MROH2B: variants seen among roughly 807,000 people sequenced by gnomAD.
MROH2B encodes maestro heat-like repeat-containing protein family member 2B.
MROH2B carries 177 observed loss-of-function variants against 208.6 expected under a neutral mutation model. That is an observed-to-expected ratio of 0.85 (90% CI 0.75 to 0.96). MROH2B has a LOEUF of 0.96. MROH2B is among the 40% of genes least tolerant of loss of function. The pLI, the probability that MROH2B is intolerant of heterozygous loss-of-function variation, is 0.00. For missense variants in MROH2B, 2,002 were observed against 1,878.7 expected (o/e 1.07, Z -1.21); for synonymous variants, 728 against 659.0 (o/e 1.10, Z -1.60).
At chr5:41,033,618 T>C (rs547511743) in intron 22 of MROH2B, among the ~76,000 whole-genome samples, 1 of 152,240 alleles carries the variant, frequency 6.6e-6, no homozygotes, top group South Asian at 2.1e-4. Flanking sequence ...TTTTAGTTTA[T>C]AGCTCAACTT....
intron 24 of MROH2B, 142 bp downstream of exon 24, chr5:41,032,600 G>T: frequency 2.9e-6 from 2 of 679,456 alleles, no homozygotes; most frequent in Non-Finnish European, 2.5e-6. Context: ...AGGAGAAAAA[G>T]CCCCAGTTTG....
At chr5:41,037,857 A>G (rs1742813232) in intron 21 of MROH2B, among the ~76,000 whole-genome samples, 1 of 152,298 alleles carries the variant, frequency 6.6e-6, no homozygotes, top group South Asian at 2.1e-4. Flanking sequence ...TACATTTTAC[A>G]CTTGATTCTT....
intron 24 of MROH2B, among the ~76,000 whole-genome samples, chr5:41,027,104 A>T (rs553506559): frequency 1.3e-4 from 20 of 152,332 alleles, no homozygotes; most frequent in African/African-American, 3.1e-4. Context: ...AACCTAGGCC[A>T]TAACATTCAG....
At chr5:41,065,524 A>G (rs1051014406) in intron 3 of MROH2B, 34 bp from the exon 4 acceptor site, 13 of 1,590,668 alleles carry the variant, frequency 8.2e-6, no homozygotes, top group African/African-American at 1.3e-5. Flanking sequence ...AATAACAACT[A>G]GAAAAGGGGC....
chr5:41,056,817 C>T (rs150186475), intron 9 of MROH2B, among the ~76,000 whole-genome samples: 2 of 149,408 alleles, frequency 1.3e-5, no homozygotes, highest in Non-Finnish European at 3.0e-5. Context: ...TTAGGATTGT[C>T]AACTCACTCC....
chr5:41,050,520 G>T (rs1743252321), intron 13 of MROH2B, among the ~76,000 whole-genome samples: 1 of 152,166 alleles, frequency 6.6e-6, no homozygotes, highest in Non-Finnish European at 1.5e-5. Context: ...GGTGTGGTCA[G>T]TTGGTTGTCT....
intron 2 of MROH2B, among the ~76,000 whole-genome samples, chr5:41,069,314 T>C (rs1743908409): frequency 6.6e-6 from 1 of 152,202 alleles, no homozygotes; most frequent in Non-Finnish European, 1.5e-5. Flanking sequence ...GGTAAACTTC[T>C]AGCTGTGAAA....
chr5:41,052,001 C>T (rs1472457153), intron 12 of MROH2B, among the ~76,000 whole-genome samples: 2 of 152,074 alleles, frequency 1.3e-5, no homozygotes, highest in African/African-American at 4.8e-5. Context: ...GAACTTACTT[C>T]ACTGTTCCAT....
rs191093532 is a variant in MROH2B at position 41,018,388 on chromosome 5, C to T, written c.2716G>A (p.Glu906Lys). ...WLVSQKEWER[E>K]RAFQITAKVL... ...TTCGCAGTGATCTGGAAGGCTCTTT[C>T]TCTTTCCCACTCTTTTTGTGAAACA... The change falls in exon 27 of 42, where the codon GAA becomes AAA. Residue 906 changes from glutamate (E) to lysine (K), a missense_variant. By Grantham distance (56) the Glu-to-Lys change is moderately conservative. Transcript: ENST00000399564. 1 of 1,613,124 alleles carries T rather than the reference C, an allele frequency of 6.2e-7. No individual in the cohort carries two copies. The highest frequency in any genetic ancestry group is 1.7e-5 in the Admixed American group (1 of 59,792).
At chr5:41,069,985 A>G (rs1176384093) in intron 1 of MROH2B, among the ~76,000 whole-genome samples, 1 of 152,234 alleles carries the variant, frequency 6.6e-6, no homozygotes, top group Admixed American at 6.5e-5. Flanking sequence ...GTGAAAGGGA[A>G]GATAAAAGAT....
At chr5:41,004,138 T>A (rs996389268) in intron 37 of MROH2B, among the ~76,000 whole-genome samples, 2 of 152,122 alleles carry the variant, frequency 1.3e-5, no homozygotes, top group African/African-American at 4.8e-5. Context: ...CTAGCTTAGA[T>A]CAATCATGAC....
chr5:41,038,923 A>G (rs1742853937), intron 20 of MROH2B, 35 bp from the exon 21 acceptor site: 1 of 1,567,482 alleles, frequency 6.4e-7, no homozygotes, highest in Middle Eastern at 1.7e-4. Context: ...GAAAAATGTG[A>G]CTGAAGGAGT....
At chr5:41,062,060 T>C (rs1743659260) in intron 5 of MROH2B, among the ~76,000 whole-genome samples, 2 of 148,908 alleles carry the variant, frequency 1.3e-5, no homozygotes, top group African/African-American at 5.2e-5. Context: ...TCTAGCAAAG[T>C]TGAATATGCA....
intron 1 of MROH2B, among the ~76,000 whole-genome samples, chr5:41,070,208 TCTC>T (rs1403169398): frequency 6.6e-6 from 1 of 152,074 alleles, no homozygotes; most frequent in African/African-American, 2.4e-5. Flanking sequence ...CTCCACCTAT[TCTC>T]CTGTGCCTGC....
chr5:41,030,614 G>GA (rs1404533086), intron 24 of MROH2B, among the ~76,000 whole-genome samples: 1 of 151,696 alleles, frequency 6.6e-6, no homozygotes, highest in Admixed American at 6.6e-5. Flanking sequence ...TAGGATATAG[G>GA]AAAAACAATA....
At chr5:41,068,996 GGAGAC>G (rs1743896799) in intron 2 of MROH2B, among the ~76,000 whole-genome samples, 1 of 152,132 alleles carries the variant, frequency 6.6e-6, no homozygotes. Context: ...CCCTTCACAA[GGAGAC>G]AACACTGAAT....
At chr5:41,012,509 A>C in intron 30 of MROH2B, 74 bp downstream of exon 30, 1 of 1,502,300 alleles carries the variant, frequency 6.7e-7, no homozygotes, top group Non-Finnish European at 9.0e-7. Flanking sequence ...GTGGACAAAC[A>C]GAGAAAGTGG....
chr5:41,016,407 G>T (rs2111859291), intron 28 of MROH2B, among the ~76,000 whole-genome samples: 1 of 151,230 alleles, frequency 6.6e-6, no homozygotes, highest in Admixed American at 6.6e-5. Flanking sequence ...AATGAAGTGG[G>T]CTAAAGGAAA....
At chr5:41,042,872 T>A (rs1410399622) in intron 18 of MROH2B, among the ~76,000 whole-genome samples, 2 of 152,254 alleles carry the variant, frequency 1.3e-5, no homozygotes, top group African/African-American at 4.8e-5. Context: ...CCTGAAGTGC[T>A]GGGATTTCAG....
Sources: gnomAD v4.1 joint callset for allele counts (sites outside exome capture counted in the v4.1 genomes callset) on GRCh38, gnomAD v4.1.1 for gene constraint, MANE v1.5 for transcripts, NCBI Gene and HGNC (gene_info 2026-07-23, HGNC 2026-07-21) for gene names.